Variants in FHOD3 observed in about 807,000 individuals in gnomAD.
FHOD3 encodes the protein formin homology 2 domain containing 3.
Under a neutral mutation model 173.0 loss-of-function variants are expected in FHOD3, and 90 were observed. The observed-to-expected ratio is 0.52, with a 90% confidence interval of 0.44 to 0.62. The LOEUF (loss-of-function observed/expected upper bound fraction) is 0.62, where lower values mean the gene tolerates loss of function less well. Ranked by LOEUF, FHOD3 falls within the 20% of genes least tolerant of loss-of-function variation. The probability of loss-of-function intolerance (pLI) is 0.00; values close to 1 mark genes in which losing one functional copy is unlikely to be tolerated. For missense variants in FHOD3, 1,945 were observed against 2,034.7 expected, an observed-to-expected ratio of 0.96 and a Z score of 0.85; for synonymous variants, 828 against 823.0, an observed-to-expected ratio of 1.01 and a Z score of -0.10.
At position 36,760,714 on chromosome 18, in the gene FHOD3, C is replaced by T; in HGVS notation, c.4556C>T (p.Thr1519Ile). Reference protein sequence around the residue: ...EHENMKAVLKTSSPSVEDATP... With the variant: ...EHENMKAVLKISSPSVEDATP... ...GAGAACATGAAGGCTGTGCTGAAAA[C>T]CTCGTCCCCCTCCGTGGAGGACGCC... Residue 1519 changes from threonine (T) to isoleucine (I), a missense_variant, in exon 27 of 29, where the codon ACC becomes ATC. By Grantham distance (89) the Thr-to-Ile change is moderately conservative (BLOSUM62 -1). Transcript: ENST00000590592. 6.2e-7 allele frequency: 1 copy of T among 1,613,230 alleles called. No homozygotes were observed. Among genetic ancestry groups the T allele is most frequent in the Non-Finnish European group, 8.5e-7 (1 of 1,180,000 alleles).
chr18:36,574,278 T>A (rs1232559635), intron 5 of FHOD3, among the ~76,000 whole-genome samples: 17 of 151,288 alleles, frequency 1.1e-4, no homozygotes, highest in Admixed American at 9.8e-4. Flanking sequence ...ACATAATCAT[T>A]TCTTTTTAAA....
At chr18:36,493,049 C>T (rs1379847923) in intron 3 of FHOD3, among the ~76,000 whole-genome samples, 3 of 152,144 alleles carry the variant, frequency 2.0e-5, no homozygotes, top group Admixed American at 2.0e-4. Flanking sequence ...TGGTACCTCT[C>T]TGCCTACATT....
chr18:36,381,620 A>C (rs949740817), intron 3 of FHOD3, among the ~76,000 whole-genome samples: 1 of 152,190 alleles, frequency 6.6e-6, no homozygotes, highest in Non-Finnish European at 1.5e-5. Flanking sequence ...CAGGATGGCA[A>C]CTTGCTCTTG....
chr18:36,472,296 CT>C lies in FHOD3; in HGVS notation c.338-29634del, dbSNP rs1277758397. Among the ~76,000 whole-genome samples, 7 of 152,254 alleles carry C rather than the reference CT, an allele frequency of 4.6e-5. No homozygotes were observed. The South Asian group carries it at 1.2e-3, about 27-fold the overall frequency. On this transcript the variant is annotated intron_variant, in intron 3 of 28. Coordinates refer to ENST00000590592, the MANE Select transcript of FHOD3 (RefSeq NM_001281740.3). ...GGCAACCTCTCTCTCACAATAGTCC[CT>C]TGTAGAATACTCCTGTGTCATCCCT...
intron 1 of FHOD3, among the ~76,000 whole-genome samples, chr18:36,301,823 C>T (rs1450221351): frequency 2.0e-5 from 3 of 152,190 alleles, no homozygotes; most frequent in Admixed American, 6.5e-5. Flanking sequence ...TTTTACAAAA[C>T]ACTGGTGACT....
At chr18:36,687,098 C>A in intron 15 of FHOD3, 30 bp from the exon 16 acceptor site, 1 of 1,548,324 alleles carries the variant, frequency 6.5e-7, no homozygotes, top group Non-Finnish European at 8.9e-7. Flanking sequence ...CTTTCTTTTC[C>A]TGTTTGTTTG....
chr18:36,370,160 G>C (rs984055806), intron 2 of FHOD3, among the ~76,000 whole-genome samples: 2 of 152,040 alleles, frequency 1.3e-5, no homozygotes, highest in African/African-American at 4.8e-5. Flanking sequence ...CTCTGAACCT[G>C]GGATCTGGGG....
At chr18:36,475,515 A>G (rs2053516762) in intron 3 of FHOD3, among the ~76,000 whole-genome samples, 1 of 152,114 alleles carries the variant, frequency 6.6e-6, no homozygotes, top group African/African-American at 2.4e-5. Flanking sequence ...GTGGTGGTCA[A>G]TAAACACAAA....
intron 28 of FHOD3, among the ~76,000 whole-genome samples, chr18:36,777,207 T>C (rs2043736802): frequency 6.8e-6 from 1 of 146,838 alleles, no homozygotes; most frequent in African/African-American, 2.5e-5. Context: ...TCTTTTTTTT[T>C]TTTTTTTTTT....
At chr18:36,430,407 G>A (rs139214593) in intron 3 of FHOD3, among the ~76,000 whole-genome samples, 11,418 of 152,144 alleles carry the variant, frequency 0.075, 502 homozygotes, top group Non-Finnish European at 0.091. Context: ...GTAGAGATGG[G>A]GTTTCTCCAT....
chr18:36,601,054 G>A (rs2031307154), intron 7 of FHOD3, among the ~76,000 whole-genome samples: 1 of 152,232 alleles, frequency 6.6e-6, no homozygotes, highest in Non-Finnish European at 1.5e-5. Context: ...TGACTGTCTT[G>A]AGAGCTGAGA....
Position 36,576,530 on chromosome 18 carries a change from T to C in FHOD3, c.591T>C (p.Thr197=). The C allele has an allele frequency of 6.2e-7, 1 of 1,613,174 alleles. No homozygotes were observed. The highest frequency in any genetic ancestry group is 8.5e-7 in the Non-Finnish European group (1 of 1,179,426). The change falls in exon 6 of 29, where the codon ACT becomes ACC. Residue 197 remains threonine, a synonymous_variant. Coordinates refer to ENST00000590592, the MANE Select transcript of FHOD3 (RefSeq NM_001281740.3). ...NRNETIQWLY[T]LIGSKFRLVV... is the part of the protein sequence containing the mutation. ...ATGAAACCATTCAGTGGCTGTACACTCTCATTGGGTCAAAGGTAAGGGGAA... is the reference window on the plus strand; with the variant it reads ...ATGAAACCATTCAGTGGCTGTACACCCTCATTGGGTCAAAGGTAAGGGGAA...
chr18:36,758,439 T>TAA (rs2042725446), intron 25 of FHOD3, among the ~76,000 whole-genome samples: 1 of 152,224 alleles, frequency 6.6e-6, no homozygotes, highest in African/African-American at 2.4e-5. Context: ...TAATTAAAAG[T>TAA]ATGGAGAGTC....
intron 3 of FHOD3, among the ~76,000 whole-genome samples, chr18:36,501,509 G>T (rs1044943671): frequency 6.6e-6 from 1 of 152,224 alleles, no homozygotes; most frequent in African/African-American, 2.4e-5. Flanking sequence ...TTCTGGCTGC[G>T]TGGGTTTTTC....
intron 3 of FHOD3, among the ~76,000 whole-genome samples, chr18:36,389,372 C>G (rs994462108): frequency 1.3e-5 from 2 of 152,218 alleles, no homozygotes; most frequent in Non-Finnish European, 1.5e-5. Flanking sequence ...CATTGCTGGG[C>G]CTTTGTCAGT....
intron 3 of FHOD3, among the ~76,000 whole-genome samples, chr18:36,428,695 C>T (rs527792425): frequency 3.2e-4 from 49 of 152,248 alleles, no homozygotes; most frequent in African/African-American, 1.2e-3. Flanking sequence ...CTGACTGGGC[C>T]CTCTAAGAAT....
In FHOD3 at chr18:36,693,164, G is replaced by A; in HGVS notation, c.2022-45G>A. ...ATCCATAAACAAGCATCAGCCACAG[G>A]CTCCTCTTTCGTTTGACGGAAACCC... On this transcript the variant is annotated intron_variant, in intron 16 of 28. Coordinates refer to ENST00000590592, the MANE Select transcript of FHOD3 (RefSeq NM_001281740.3). 5 of 1,560,042 alleles carry A rather than the reference G, an allele frequency of 3.2e-6. 1 individual carries two copies. In the South Asian group the frequency reaches 5.8e-5, roughly 18 times the overall value.
At chr18:36,604,197 G>T (rs958158878) in intron 8 of FHOD3, among the ~76,000 whole-genome samples, 1 of 151,968 alleles carries the variant, frequency 6.6e-6, no homozygotes, top group African/African-American at 2.4e-5. Context: ...CACCCCATGG[G>T]CCTTCCTTGT....
chr18:36,720,111 T>C (rs1185133234), intron 19 of FHOD3, among the ~76,000 whole-genome samples: 1 of 152,180 alleles, frequency 6.6e-6, no homozygotes, highest in Admixed American at 6.5e-5. Context: ...ACCCAGCTTT[T>C]GTCCTCTCCA....
Sources: gnomAD v4.1 joint callset for allele counts (sites outside exome capture counted in the v4.1 genomes callset) on GRCh38, gnomAD v4.1.1 for gene constraint, MANE v1.5 for transcripts, NCBI Gene and HGNC (gene_info 2026-07-23, HGNC 2026-07-21) for gene names.